PHC1: variants seen among roughly 807,000 people sequenced by gnomAD.
PHC1 encodes polyhomeotic homolog 1.
PHC1 carries 12 observed loss-of-function variants against 104.3 expected under a neutral mutation model. The ratio of observed to expected loss-of-function variants is 0.12; its 90% CI spans 0.07 to 0.19. The LOEUF is 0.19. PHC1 is among the 10% of genes least tolerant of loss of function. The pLI is 1.00. For synonymous variants in PHC1, 302 were observed against 455.8 expected (o/e 0.66, Z 4.30); for missense variants, 671 against 1,200.0 (o/e 0.56, Z 6.51).
At position 8,937,228 on chromosome 12, in the gene PHC1, G is replaced by C. The variant is rs1945863420; in HGVS notation, c.2530G>C (p.Glu844Gln). ...CCGGCTGAAGAGGAAAAAAATGAAA[G>C]AGTTTCAAGAAGCCAACTATGCTCG... Reference protein sequence around the residue: ...QFRLKRKKMKEFQEANYARVR... With the variant: ...QFRLKRKKMKQFQEANYARVR... The change falls in exon 13 of 15, where the codon GAG (glutamate) becomes CAG (glutamine). Residue 844 changes from glutamate to glutamine, a missense_variant. By Grantham distance (29) the Glu-to-Gln change is conservative. Coordinates refer to ENST00000544916, the MANE Select transcript of PHC1 (RefSeq NM_004426.3). 1.2e-6 allele frequency: 2 copies of C among 1,613,562 alleles called. No individual in the cohort carries two copies. Among genetic ancestry groups the C allele is most frequent in the Admixed American group, 1.7e-5 (1 of 59,936 alleles).
intron 4 of PHC1, 133 bp from the exon 5 acceptor site, chr12:8,921,468 T>A (rs1945361384): frequency 1.4e-5 from 11 of 814,016 alleles, no homozygotes; most frequent in Non-Finnish European, 2.2e-5. Flanking sequence ...TATGAAGACA[T>A]TATTTATTTC....
chr12:8,924,250 G>A (rs1398209688), intron 6 of PHC1, among the ~76,000 whole-genome samples: 1 of 152,126 alleles, frequency 6.6e-6, no homozygotes, highest in Non-Finnish European at 1.5e-5. Context: ...GCTGAGGAGG[G>A]TGGATCACCT....
At chr12:8,924,574 G>A (rs1032558701) in intron 6 of PHC1, among the ~76,000 whole-genome samples, 2 of 152,228 alleles carry the variant, frequency 1.3e-5, no homozygotes, top group Non-Finnish European at 2.9e-5. Context: ...GCCTTATTGG[G>A]ATACTTGAGC....
chr12:8,919,730 A>G lies in PHC1; in HGVS notation c.115-26A>G. ...ATAGGAGCTAGGAGTGGTCCATTCT[A>G]AATGTTTTATCCTCTCTTTTCCTAG... On this transcript the variant is annotated intron_variant, in intron 2 of 14. Transcript: ENST00000544916. The surrounding 1 kb of genome is among the most constrained non-coding windows in gnomAD (Gnocchi z 4.9). 3.1e-6 allele frequency: 5 copies of G among 1,601,534 alleles called. No homozygotes were observed. Among genetic ancestry groups the G allele is most frequent in the South Asian group, 1.1e-5 (1 of 89,486 alleles).
chr12:8,926,493 G>T (rs1286226468), intron 6 of PHC1, among the ~76,000 whole-genome samples: 2 of 152,078 alleles, frequency 1.3e-5, no homozygotes, highest in African/African-American at 4.8e-5. Context: ...GGTGGTGCAT[G>T]CCCATAGCCC....
At position 8,930,885 on chromosome 12, in the gene PHC1, C is replaced by T. The variant is rs752466822; in HGVS notation, c.1063C>T (p.Arg355Trp). 2.5e-6 allele frequency: 4 copies of T among 1,585,978 alleles called. No individual in the cohort carries two copies. Among genetic ancestry groups the T allele is most frequent in the Non-Finnish European group, 3.4e-6 (4 of 1,165,910 alleles). Reference sequence around the variant, plus strand: ...GCAGAATGTGGGCATGAACCTGACACGGACAGCCACACCTGCGCCCAGCCA... The same window carrying T: ...GCAGAATGTGGGCATGAACCTGACATGGACAGCCACACCTGCGCCCAGCCA... ...GQQNVGMNLT[R>W]TATPAPSQTL... Residue 355 changes from arginine (R) to tryptophan (W), a missense_variant, in exon 7 of 15, where the codon CGG (arginine) becomes TGG (tryptophan). By Grantham distance (101) the Arg-to-Trp change is moderately radical (BLOSUM62 -3). Transcript: ENST00000544916.
chr12:8,932,433 T>C, intron 7 of PHC1, 130 bp from the exon 8 acceptor site: 2 of 884,184 alleles, frequency 2.3e-6, no homozygotes, highest in Non-Finnish European at 3.5e-6. Context: ...TCATACTGAC[T>C]AGATTTCTTT....
At chr12:8,923,660 C>T (rs1269200866) in intron 6 of PHC1, among the ~76,000 whole-genome samples, 1 of 151,806 alleles carries the variant, frequency 6.6e-6, no homozygotes, top group Non-Finnish European at 1.5e-5. Context: ...AACCCCGTCT[C>T]TACTAAAAAA....
At chr12:8,916,712 T>G (rs1945212582) in intron 1 of PHC1, among the ~76,000 whole-genome samples, 1 of 152,148 alleles carries the variant, frequency 6.6e-6, no homozygotes, top group Non-Finnish European at 1.5e-5. Flanking sequence ...TTGAAGATTT[T>G]CATTGTGTGT....
chr12:8,924,872 A>G (rs1218942899), intron 6 of PHC1, among the ~76,000 whole-genome samples: 1 of 152,180 alleles, frequency 6.6e-6, no homozygotes, highest in Admixed American at 6.5e-5. Flanking sequence ...TATAGGGAGA[A>G]TAACTGTTCT....
intron 2 of PHC1, 40 bp downstream of exon 2, chr12:8,917,831 G>A (rs371159261): frequency 1.5e-5 from 16 of 1,075,552 alleles, no homozygotes; most frequent in Non-Finnish European, 2.1e-5. Context: ...TGTGAGTCTT[G>A]GCTTGTGGTA....
chr12:8,937,891 A>G lies in PHC1; in HGVS notation c.2691A>G (p.Thr897=), dbSNP rs144453918. The change falls in exon 14 of 15, where the codon ACA becomes ACG. Residue 897 remains threonine, a synonymous_variant. Transcript: ENST00000544916. The part of the protein sequence containing the change: ...NSSYDEALSP[T]SPGPLSVRAG... ...GTTATGATGAAGCACTCTCTCCAACATCTCCTGGGCCTTTATCAGTAAGAG... is the reference window on the plus strand; with the variant it reads ...GTTATGATGAAGCACTCTCTCCAACGTCTCCTGGGCCTTTATCAGTAAGAG... 8.1e-6 allele frequency: 13 copies of G among 1,610,820 alleles called. No homozygotes were observed. The highest frequency in any genetic ancestry group is 5.3e-5 in the African/African-American group (4 of 74,870).
chr12:8,927,855 TTCTTTCTTTC>T (rs1219186418), intron 6 of PHC1, among the ~76,000 whole-genome samples: 31 of 34,150 alleles, frequency 9.1e-4, no homozygotes, highest in African/African-American at 2.7e-3. Context: ...TGTACTAGTT[TTCTTTCTTTC>T]TTTCTTTCTT....
rs1945148621 is a variant in PHC1 at position 8,914,719 on chromosome 12, G to A, written c.-157G>A. On this transcript the variant is annotated 5_prime_UTR_variant, in exon 1 of 15. Coordinates refer to ENST00000544916, the MANE Select transcript of PHC1 (RefSeq NM_004426.3). ...CCAGGAAGGGGAGGAGGCGAGGGGA[G>A]CCCGCCGCGGAGGCCGAGCGAGCCC... 1.3e-5 allele frequency: 2 copies of A among 151,990 alleles called. No homozygotes were observed. The allele number at this position is 151,990 out of a possible 1,614,324, so 9.4% of individuals were successfully genotyped here. A position where few individuals can be genotyped will look rare whatever the true frequency, so the allele number is the denominator to read the frequency against.
chr12:8,931,425 G>A (rs1945681249), intron 7 of PHC1, among the ~76,000 whole-genome samples: 1 of 152,216 alleles, frequency 6.6e-6, no homozygotes, highest in Non-Finnish European at 1.5e-5. Flanking sequence ...GAGAGGCGGG[G>A]TGCGGTGGCT....
rs7968096 is a variant in PHC1 at position 8,938,991 on chromosome 12, G to A, written c.2861-314G>A. Reference sequence around the variant, plus strand: ...TAGGCATGCATCACCATGCCCAGCTGATTTTTGTATGTTTTGTAGAGTCAA... The same window carrying A: ...TAGGCATGCATCACCATGCCCAGCTAATTTTTGTATGTTTTGTAGAGTCAA... On this transcript the variant is annotated intron_variant, in intron 14 of 14. Transcript: ENST00000544916. Among the ~76,000 whole-genome samples the A allele has an allele frequency of 0.079, 11,934 of 151,980 alleles. 1,595 individuals carry two copies. The highest frequency in any genetic ancestry group is 0.27 in the African/African-American group (11,271 of 41,448).
At chr12:8,937,723 A>G in intron 13 of PHC1, 106 bp from the exon 14 acceptor site, 1 of 768,718 alleles carries the variant, frequency 1.3e-6, no homozygotes, top group Non-Finnish European at 2.2e-6. Context: ...TTCACATATG[A>G]TAAGATGAGT....
rs755145737 is a variant in PHC1 at position 8,937,325 on chromosome 12, G to A, written c.2627G>A (p.Arg876Gln). ...GCCAAGATTCAGGGCAAGTGCCACC[G>A]GGTGAGCTGCTTGTTGTAGAGCCAG... Reference protein sequence around the residue: ...ARAKIQGKCHRGQEDSSRGSD... With the variant: ...ARAKIQGKCHQGQEDSSRGSD... The change falls in exon 13 of 15, where the codon CGG becomes CAG. Residue 876 changes from arginine to glutamine, a missense_variant and splice_region_variant. Arg to Gln is a conservative substitution (Grantham distance 43). This residue lies in a region of PHC1 where 192 missense variants were observed against 280.5 expected (regional missense o/e 0.68). Coordinates refer to ENST00000544916, the MANE Select transcript of PHC1 (RefSeq NM_004426.3). 59 of 1,603,350 alleles carry A rather than the reference G, an allele frequency of 3.7e-5. No individual in the cohort carries two copies. The Middle Eastern group carries it at 2.3e-3, about 63-fold the overall frequency.
intron 6 of PHC1, 34 bp downstream of exon 6, chr12:8,922,822 C>A: frequency 1.2e-6 from 2 of 1,601,806 alleles, no homozygotes; most frequent in Non-Finnish European, 8.5e-7. Context: ...TGGGTGGGCA[C>A]TGGGCAGGAT....
Sources: gnomAD v4.1 joint callset for allele counts (sites outside exome capture counted in the v4.1 genomes callset) on GRCh38, gnomAD v4.1.1 for gene constraint, gnomAD v4.1.1 regional missense constraint, Gnocchi (gnomAD v3.1) non-coding constraint, MANE v1.5 for transcripts, NCBI Gene and HGNC (gene_info 2026-07-23, HGNC 2026-07-21) for gene names.